Variants in PTPRT observed in about 807,000 individuals in gnomAD.
PTPRT encodes receptor-type tyrosine-protein phosphatase T.
PTPRT carries 56 observed loss-of-function variants against 176.8 expected under a neutral mutation model. The ratio of observed to expected loss-of-function variants is 0.32; its 90% CI spans 0.26 to 0.40. PTPRT has a LOEUF of 0.40. Among genes scored for constraint, PTPRT ranks in the 10% least tolerant of loss-of-function variants. The pLI is 1.00. For missense variants in PTPRT, 1,540 were observed against 1,908.2 expected (o/e 0.81, Z 3.60); for synonymous variants, 783 against 739.0 (o/e 1.06, Z -0.96).
chr20:42,793,601 T>C (rs1478267011), intron 2 of PTPRT, among the ~76,000 whole-genome samples: 1 of 152,158 alleles, frequency 6.6e-6, no homozygotes, highest in East Asian at 1.9e-4. Context: ...GAGTAAGGCG[T>C]CCCAGTTTTA....
At chr20:43,091,896 A>G (rs1019299646) in intron 1 of PTPRT, among the ~76,000 whole-genome samples, 1 of 152,182 alleles carries the variant, frequency 6.6e-6, no homozygotes, top group African/African-American at 2.4e-5. Context: ...TGACAATTAG[A>G]ATATAAGAAG....
intron 6 of PTPRT, among the ~76,000 whole-genome samples, chr20:42,742,556 G>C (rs1483935974): frequency 6.6e-6 from 1 of 152,196 alleles, no homozygotes; most frequent in African/African-American, 2.4e-5. Context: ...GAAAAAGAGA[G>C]GGGGCTTGCA....
chr20:42,437,351 T>C (rs953449089), intron 9 of PTPRT, among the ~76,000 whole-genome samples: 1 of 152,190 alleles, frequency 6.6e-6, no homozygotes, highest in Admixed American at 6.5e-5. Flanking sequence ...ATGTGGAAAC[T>C]GAGGCCCAGG....
At chr20:42,590,853 G>A in intron 7 of PTPRT, among the ~76,000 whole-genome samples, 1 of 151,500 alleles carries the variant, frequency 6.6e-6, no homozygotes, top group Non-Finnish European at 1.5e-5. Context: ...TAATTGATTG[G>A]CTTATTGACA....
At position 42,128,801 on chromosome 20, in the gene PTPRT, G is replaced by C; in HGVS notation, c.2800C>G (p.Leu934Val). Reference sequence around the variant, plus strand: ...TAGTCAGAGTGCGGGTCTCCATCCAGCACCAGCAGCCTCACCCGGGAATGG... The same window carrying C: ...TAGTCAGAGTGCGGGTCTCCATCCACCACCAGCAGCCTCACCCGGGAATGG... Reference protein sequence around the residue: ...YDHSRVRLLVLDGDPHSDYIN... With the variant: ...YDHSRVRLLVVDGDPHSDYIN... Residue 934 changes from leucine (L) to valine (V), a missense_variant, in exon 19 of 31, where the codon CTG becomes GTG. Leu to Val is a conservative substitution (Grantham distance 32). Transcript: ENST00000373187. 6.2e-7 allele frequency: 1 copy of C among 1,606,970 alleles called. No individual in the cohort carries two copies. Among genetic ancestry groups the C allele is most frequent in the Non-Finnish European group, 8.5e-7 (1 of 1,176,082 alleles).
intron 2 of PTPRT, among the ~76,000 whole-genome samples, chr20:42,794,116 G>T (rs772163143): frequency 6.6e-6 from 1 of 152,176 alleles, no homozygotes; most frequent in African/African-American, 2.4e-5. Context: ...GCTCGCTGAG[G>T]AGGTAGAGAT....
intron 1 of PTPRT, among the ~76,000 whole-genome samples, chr20:43,052,283 T>G (rs1987079190): frequency 6.6e-6 from 1 of 152,176 alleles, no homozygotes; most frequent in Non-Finnish European, 1.5e-5. Context: ...CAAAGAAACA[T>G]GTTTACTGAA....
intron 1 of PTPRT, among the ~76,000 whole-genome samples, chr20:43,150,708 C>T (rs185947651): frequency 2.7e-3 from 415 of 152,084 alleles, no homozygotes; most frequent in African/African-American, 9.8e-3. Flanking sequence ...CTGCCCTCCT[C>T]GGCTTCCCAA....
intron 7 of PTPRT, among the ~76,000 whole-genome samples, chr20:42,628,187 C>T (rs2074331785): frequency 6.6e-6 from 1 of 152,082 alleles, no homozygotes; most frequent in South Asian, 2.1e-4. Flanking sequence ...TTAATAATCT[C>T]CCTGGAGTCA....
the PTPRT span, among the ~76,000 whole-genome samples, chr20:42,045,755 G>A: frequency 2.6e-5 from 4 of 152,060 alleles, no homozygotes; most frequent in East Asian, 5.8e-4. Flanking sequence ...GTAAAGCCAG[G>A]ATTCATACCT....
At chr20:42,658,976 A>G (rs77458002) in intron 7 of PTPRT, among the ~76,000 whole-genome samples, 1,902 of 152,242 alleles carry the variant, frequency 0.012, 37 homozygotes, top group Middle Eastern at 0.051. Context: ...GTAAACCCTA[A>G]TGGAAAGAAA....
At chr20:42,420,783 G>T (rs2059111290) in intron 9 of PTPRT, among the ~76,000 whole-genome samples, 1 of 152,152 alleles carries the variant, frequency 6.6e-6, no homozygotes, top group South Asian at 2.1e-4. Flanking sequence ...ATGGGTCTAG[G>T]ACCAACCCCC....
intron 19 of PTPRT, among the ~76,000 whole-genome samples, chr20:42,124,643 T>C (rs1987762241): frequency 1.3e-5 from 2 of 152,204 alleles, no homozygotes; most frequent in Non-Finnish European, 2.9e-5. Flanking sequence ...CAGGAAGGAT[T>C]GTGGCTGCGT....
chr20:42,616,977 TG>T (rs2074093055), intron 7 of PTPRT, among the ~76,000 whole-genome samples: 1 of 133,772 alleles, frequency 7.5e-6, no homozygotes, highest in South Asian at 2.4e-4. Flanking sequence ...AACACTATGT[TG>T]AATAGGAGTG....
chr20:42,455,387 T>C (rs2070904088), intron 8 of PTPRT, among the ~76,000 whole-genome samples: 2 of 152,168 alleles, frequency 1.3e-5, no homozygotes, highest in African/African-American at 4.8e-5. Context: ...CTTTCCTGTT[T>C]CACTTTCCCT....
Position 42,161,508 on chromosome 20 carries a change from G to A in PTPRT, c.2526C>T (p.Thr842=). 1.9e-6 allele frequency: 3 copies of A among 1,612,786 alleles called. No homozygotes were observed. Among genetic ancestry groups the A allele is most frequent in the Non-Finnish European group, 2.5e-6 (3 of 1,179,260 alleles). The change falls in exon 17 of 31, where the codon ACC becomes ACT. Residue 842 remains threonine (T), a synonymous_variant. Coordinates refer to ENST00000373187, the MANE Select transcript of PTPRT (RefSeq NM_007050.6). ...DGSRGELSQP[T]LTIQTHPYRT... is the part of the protein sequence containing the mutation. Reference sequence around the variant, plus strand: ...GGTAGGGATGAGTCTGGATCGTGAGGGTGGGCTGGGAAAGCTCCCCGCGGC... The same window carrying A: ...GGTAGGGATGAGTCTGGATCGTGAGAGTGGGCTGGGAAAGCTCCCCGCGGC...
intron 7 of PTPRT, among the ~76,000 whole-genome samples, chr20:42,525,411 A>G (rs2072251326): frequency 6.6e-6 from 1 of 152,316 alleles, no homozygotes; most frequent in South Asian, 2.1e-4. Context: ...CCTTAATAAA[A>G]CTGAAACTCA....
intron 6 of PTPRT, among the ~76,000 whole-genome samples, chr20:42,731,307 G>A (rs925740469): frequency 3.9e-5 from 6 of 152,172 alleles, no homozygotes; most frequent in African/African-American, 1.2e-4. Flanking sequence ...ATTAAGTGGA[G>A]GTTACAGAAG....
At chr20:42,373,908 C>T (rs1232942512) in intron 9 of PTPRT, among the ~76,000 whole-genome samples, 2 of 152,176 alleles carry the variant, frequency 1.3e-5, no homozygotes, top group African/African-American at 4.8e-5. Context: ...TGAAGCACCT[C>T]ACAGCATGAG....
Sources: gnomAD v4.1 joint callset for allele counts (sites outside exome capture counted in the v4.1 genomes callset) on GRCh38, gnomAD v4.1.1 for gene constraint, MANE v1.5 for transcripts, NCBI Gene and HGNC (gene_info 2026-07-23, HGNC 2026-07-21) for gene names.